CHAF1A: variants seen among roughly 807,000 people sequenced by gnomAD.
The protein encoded by CHAF1A is CAF-1 subunit A.
A neutral mutation model predicts 93.2 loss-of-function variants in CHAF1A; 5 were observed. That is an observed-to-expected ratio of 0.05 (90% CI 0.03 to 0.11). CHAF1A has a LOEUF of 0.11. Ranked by LOEUF, CHAF1A falls within the 10% of genes least tolerant of loss-of-function variation. CHAF1A has a pLI of 1.00. For missense variants in CHAF1A, 1,102 were observed against 1,259.9 expected (o/e 0.87, Z 1.90); for synonymous variants, 504 against 510.3 (o/e 0.99, Z 0.17).
chr19:4,420,291 G>A (rs1973968579), intron 4 of CHAF1A, among the ~76,000 whole-genome samples: 1 of 151,986 alleles, frequency 6.6e-6, no homozygotes, highest in South Asian at 2.1e-4. Flanking sequence ...TGCCCATGCT[G>A]GAGTGCAGCG....
rs955139180 is a variant in CHAF1A at position 4,443,167 on chromosome 19, G to A, written c.*142G>A. On this transcript the variant is annotated 3_prime_UTR_variant, in exon 15 of 15. Transcript: ENST00000301280. ...TGTGCAGAGTTCTATATAGGATGCT[G>A]GATTAGTTCCTTTGATATTTGTAAA... 23 of 684,982 alleles carry A rather than the reference G, an allele frequency of 3.4e-5. No individual in the cohort carries two copies. The highest frequency in any genetic ancestry group is 4.7e-4 in the Middle Eastern group (2 of 4,218). The allele number at this position is 684,982 out of a possible 1,614,324, so 42.4% of individuals were successfully genotyped here.
In CHAF1A at chr19:4,422,306, G is replaced by A. The variant is rs370313968; in HGVS notation, c.1018-260G>A. Among the ~76,000 whole-genome samples the A allele has an allele frequency of 6.6e-5, 10 of 151,698 alleles. No homozygotes were observed. Among genetic ancestry groups the A allele is most frequent in the East Asian group, 5.8e-4 (3 of 5,146 alleles). ...TGGGATTACAGGCGTGAACCACCGC[G>A]CGCAGCCAATTTTTGTATTTTTAGT... is the stretch of plus-strand genomic sequence containing the variant. On this transcript the variant is annotated intron_variant, in intron 4 of 14. Coordinates refer to ENST00000301280, the MANE Select transcript of CHAF1A (RefSeq NM_005483.3). This position sits in a 1 kb window ranked among gnomAD's most constrained non-coding sequence, Gnocchi z 4.6.
At chr19:4,424,465 T>C (rs1451768205) in intron 7 of CHAF1A, among the ~76,000 whole-genome samples, 1 of 152,224 alleles carries the variant, frequency 6.6e-6, no homozygotes, top group Non-Finnish European at 1.5e-5. Context: ...TTAATGTATC[T>C]GGCCTTTATT....
intron 1 of CHAF1A, among the ~76,000 whole-genome samples, chr19:4,403,994 A>G (rs898428926): frequency 1.3e-5 from 2 of 151,856 alleles, no homozygotes; most frequent in Non-Finnish European, 2.9e-5. Context: ...TAATTTTTGT[A>G]TTTTTTAGTA....
chr19:4,418,309 C>G (rs1973930097), intron 4 of CHAF1A, among the ~76,000 whole-genome samples: 3 of 151,708 alleles, frequency 2.0e-5, no homozygotes, highest in Admixed American at 2.0e-4. Flanking sequence ...CTTTTCTAAG[C>G]TTTTATCAAT....
rs1286265299 is a variant in CHAF1A at position 4,435,081 on chromosome 19, T to C, written c.2673+1542T>C. Among the ~76,000 whole-genome samples, 4 of 135,052 alleles carry C rather than the reference T, an allele frequency of 3.0e-5. No homozygotes were observed. The Admixed American group carries it at 3.3e-4, about 11-fold the overall frequency. The allele number at this position is 135,052 out of a possible 152,430, so 88.6% of individuals were successfully genotyped here. A position where few individuals can be genotyped will look rare whatever the true frequency, so the allele number is the denominator to read the frequency against. On this transcript the variant is annotated intron_variant, in intron 13 of 14. Coordinates refer to ENST00000301280, the MANE Select transcript of CHAF1A (RefSeq NM_005483.3). The stretch of plus-strand genomic sequence containing the variant: ...GGAAGTGAGTTTCTCTTTTTTCTTT[T>C]TTTTCCTTTTTTTTTTTTTTTTTTT...
downstream of CHAF1A, chr19:4,446,006 C>T (rs369043795): frequency 2.9e-5 from 45 of 1,563,054 alleles, no homozygotes; most frequent in African/African-American, 5.8e-4. Flanking sequence ...GGAGAACCTG[C>T]AGAGGCATCG....
chr19:4,448,361 T>G (rs1169903793), downstream of CHAF1A: 1 of 1,610,788 alleles, frequency 6.2e-7, no homozygotes, highest in South Asian at 1.1e-5. Context: ...TCCTGGTCTT[T>G]GTTGAACGTG....
At chr19:4,446,621 G>A (rs201394926), downstream of CHAF1A, 83 of 1,612,506 alleles carry the variant, frequency 5.1e-5, 1 homozygote, top group East Asian at 3.3e-4. Context: ...AGCTTGGCGC[G>A]CACGGGCTCC....
intron 1 of CHAF1A, among the ~76,000 whole-genome samples, chr19:4,403,163 C>G (rs933186240): frequency 6.6e-6 from 1 of 152,192 alleles, no homozygotes; most frequent in East Asian, 1.9e-4. Context: ...GTTTGTGTCC[C>G]TTGACCATGT....
intron 4 of CHAF1A, among the ~76,000 whole-genome samples, chr19:4,419,316 T>C (rs1262852939): frequency 6.6e-6 from 1 of 152,182 alleles, no homozygotes; most frequent in Non-Finnish European, 1.5e-5. Context: ...CTGGTGACCA[T>C]GGGCTCTGCG....
intron 7 of CHAF1A, 98 bp from the exon 8 acceptor site, chr19:4,428,566 A>C (rs1284392354): frequency 1.9e-6 from 2 of 1,067,896 alleles, no homozygotes; most frequent in East Asian, 4.8e-5. Flanking sequence ...CCTTGGCCTT[A>C]GCCTGGATGA....
chr19:4,424,441 G>A (rs1194919161), intron 7 of CHAF1A, among the ~76,000 whole-genome samples: 3 of 152,152 alleles, frequency 2.0e-5, no homozygotes, highest in African/African-American at 7.2e-5. Flanking sequence ...ACATTTAGAT[G>A]TATTTCATTC....
chr19:4,428,866 C>G lies in CHAF1A; in HGVS notation c.1580C>G (p.Thr527Ser). The G allele has an allele frequency of 6.2e-7, 1 of 1,613,794 alleles. No homozygotes were observed. The highest frequency in any genetic ancestry group is 8.5e-7 in the Non-Finnish European group (1 of 1,179,988). ...PLRSGPTHVS[T>S]RNADIFNSDV... ...AGGTCCGGACCCACGCACGTTTCCA[C>G]CCGGAATGCAGATATTTTTAACAGG... The change falls in exon 8 of 15, where the codon ACC becomes AGC. Residue 527 changes from threonine (T) to serine (S), a missense_variant. Transcript: ENST00000301280.
chr19:4,435,176 C>T (rs1438823239), intron 13 of CHAF1A, among the ~76,000 whole-genome samples: 4 of 148,986 alleles, frequency 2.7e-5, no homozygotes, highest in African/African-American at 7.5e-5. Flanking sequence ...CTGCAAGCTC[C>T]GCCTCCCGGG....
chr19:4,431,479 CTGTCGTT>C lies in CHAF1A; in HGVS notation c.1948-470_1948-464del, dbSNP rs1194712478. Among the ~76,000 whole-genome samples, 9 of 152,084 alleles carry C rather than the reference CTGTCGTT, an allele frequency of 5.9e-5. No individual in the cohort carries two copies. In the East Asian group the frequency reaches 1.7e-3, roughly 29 times the overall value. On this transcript the variant is annotated intron_variant, in intron 11 of 14. Coordinates refer to ENST00000301280, the MANE Select transcript of CHAF1A (RefSeq NM_005483.3). ...TTTGGTCCTGTTTTGTTTTGAAGGCCTGTCGTTTGGGAAGTGGGGATTTGGTGGGACT... is the reference window on the plus strand; with the variant it reads ...TTTGGTCCTGTTTTGTTTTGAAGGCCTGGGAAGTGGGGATTTGGTGGGACT...
At chr19:4,429,992 C>T in intron 10 of CHAF1A, 4 of 543,680 alleles carry the variant, frequency 7.4e-6, no homozygotes, top group Non-Finnish European at 1.3e-5. Flanking sequence ...GACACTCGCC[C>T]ACGTGGCTGC....
In CHAF1A at chr19:4,433,076, C is replaced by T; in HGVS notation, c.2210C>T (p.Ala737Val). The change falls in exon 13 of 15, where the codon GCC (alanine) becomes GTC (valine). Residue 737 changes from alanine (A) to valine (V), a missense_variant. Physicochemically the swap from Ala to Val is moderately conservative, Grantham distance 64. This residue lies in a region of CHAF1A where 335 missense variants were observed against 361.9 expected (regional missense o/e 0.93). Coordinates refer to ENST00000301280, the MANE Select transcript of CHAF1A (RefSeq NM_005483.3). The surrounding 1 kb of genome is among the most constrained non-coding windows in gnomAD (Gnocchi z 5.6). ...CCATGTTCCCTCCTGCCAGTCCTGG[C>T]CCAGCTGCTGCCGCTCCTGCACGGC... ...KRERRDEQIL[A>V]QLLPLLHGNV... The T allele has an allele frequency of 6.4e-7, 1 of 1,568,884 alleles. No homozygotes were observed. The highest frequency in any genetic ancestry group is 8.7e-7 in the Non-Finnish European group (1 of 1,152,346).
In CHAF1A at chr19:4,443,077, A is replaced by G; in HGVS notation, c.*52A>G. 3 of 1,186,582 alleles carry G rather than the reference A, an allele frequency of 2.5e-6. No homozygotes were observed. The highest frequency in any genetic ancestry group is 1.3e-5 in the South Asian group (1 of 77,026). The allele number at this position is 1,186,582 out of a possible 1,614,324, so 73.5% of individuals were successfully genotyped here. On this transcript the variant is annotated 3_prime_UTR_variant, in exon 15 of 15. Transcript: ENST00000301280. ...TTAGGGTGTCCTCCCCACAGAGCAGATACTTGAACCGACTCAATTCCTGTG... is the reference window on the plus strand; with the variant it reads ...TTAGGGTGTCCTCCCCACAGAGCAGGTACTTGAACCGACTCAATTCCTGTG...
Sources: allele counts gnomAD v4.1 joint callset (sites outside exome capture counted in the v4.1 genomes callset), GRCh38; gene constraint gnomAD v4.1.1; regional missense constraint gnomAD v4.1.1; non-coding constraint Gnocchi (gnomAD v3.1); transcripts MANE v1.5; gene names NCBI Gene and HGNC (gene_info 2026-07-23, HGNC 2026-07-21).